The following OPCML variants were observed in gnomAD, a reference collection of about 807,000 sequenced individuals.
The protein encoded by OPCML is opioid-binding protein/cell adhesion molecule.
Under a neutral mutation model 37.8 loss-of-function variants are expected in OPCML, and 13 were observed. That is an observed-to-expected ratio of 0.34 (90% CI 0.22 to 0.55). OPCML has a LOEUF of 0.55. Ranked by LOEUF, OPCML falls within the 20% of genes least tolerant of loss-of-function variation. The probability of loss-of-function intolerance (pLI) is 0.91; values close to 1 mark genes in which losing one functional copy is unlikely to be tolerated. For synonymous variants in OPCML, 176 were observed against 168.8 expected, an observed-to-expected ratio of 1.04 and a Z score of -0.33; for missense variants, 341 against 435.6, an observed-to-expected ratio of 0.78 and a Z score of 1.93.
chr11:132,593,107 G>A (rs892376014), intron 3 of OPCML, among the ~76,000 whole-genome samples: 1 of 152,302 alleles, frequency 6.6e-6, no homozygotes, highest in South Asian at 2.1e-4. Flanking sequence ...TCTGAAGTCT[G>A]GGCAAGAAAG....
intron 3 of OPCML, among the ~76,000 whole-genome samples, chr11:132,552,740 G>A (rs1239156400): frequency 7.5e-6 from 1 of 132,840 alleles, no homozygotes; most frequent in Non-Finnish European, 1.5e-5. Flanking sequence ...ACCTTCTCTA[G>A]TCAAACTAAA....
chr11:132,437,948 G>T (rs935707211), intron 4 of OPCML, among the ~76,000 whole-genome samples: 1 of 152,154 alleles, frequency 6.6e-6, no homozygotes, highest in Non-Finnish European at 1.5e-5. Context: ...AGGACCCCAC[G>T]ATGGCTTTGT....
intron 1 of OPCML, among the ~76,000 whole-genome samples, chr11:133,048,569 G>T (rs11223339): frequency 0.19 from 29,469 of 152,128 alleles, 3,168 homozygotes; most frequent in South Asian, 0.36. Context: ...GTGTTGCCTT[G>T]AGAAGAGATG....
intron 1 of OPCML, among the ~76,000 whole-genome samples, chr11:133,123,588 G>T (rs1376946655): frequency 2.0e-5 from 3 of 152,042 alleles, no homozygotes; most frequent in Non-Finnish European, 2.9e-5. Context: ...TTTTATCCAG[G>T]GCCATCTGGT....
intron 2 of OPCML, among the ~76,000 whole-genome samples, chr11:132,732,434 G>C (rs149868547): frequency 4.6e-5 from 7 of 152,256 alleles, no homozygotes; most frequent in African/African-American, 1.7e-4. Flanking sequence ...GTATTGATGG[G>C]TTTATCTTGA....
intron 1 of OPCML, among the ~76,000 whole-genome samples, chr11:133,116,998 A>G (rs1189433254): frequency 6.6e-6 from 1 of 152,044 alleles, no homozygotes; most frequent in African/African-American, 2.4e-5. Context: ...TATTCCATGT[A>G]GTCATTCACT....
intron 4 of OPCML, among the ~76,000 whole-genome samples, chr11:132,522,933 T>C (rs1421730176): frequency 2.0e-5 from 3 of 152,228 alleles, no homozygotes; most frequent in African/African-American, 7.2e-5. Flanking sequence ...GAAACAGTCA[T>C]GGATCAGTAC....
chr11:133,102,963 T>G (rs1028166025), intron 1 of OPCML, among the ~76,000 whole-genome samples: 3 of 152,168 alleles, frequency 2.0e-5, no homozygotes, highest in African/African-American at 7.2e-5. Flanking sequence ...ATCTCCACTC[T>G]GGGGAAGAGA....
At chr11:132,996,907 C>G (rs1214498390) in intron 1 of OPCML, among the ~76,000 whole-genome samples, 1 of 152,170 alleles carries the variant, frequency 6.6e-6, no homozygotes, top group African/African-American at 2.4e-5. Context: ...TTTATTATTT[C>G]TGTAGCAGCA....
intron 1 of OPCML, among the ~76,000 whole-genome samples, chr11:133,047,269 C>T (rs966335169): frequency 1.3e-5 from 2 of 152,208 alleles, no homozygotes; most frequent in African/African-American, 2.4e-5. Context: ...CAAGATAGAG[C>T]CATGAGTGTT....
intron 2 of OPCML, among the ~76,000 whole-genome samples, chr11:132,677,537 T>A (rs757009004): frequency 2.0e-5 from 3 of 152,116 alleles, no homozygotes; most frequent in Non-Finnish European, 4.4e-5. Context: ...CAAGACAGCA[T>A]GTATTATTGG....
At chr11:132,965,076 C>T (rs906608429) in intron 1 of OPCML, among the ~76,000 whole-genome samples, 1 of 152,204 alleles carries the variant, frequency 6.6e-6, no homozygotes, top group Non-Finnish European at 1.5e-5. Context: ...CTGTATCTCT[C>T]ACTACATGGG....
In OPCML at chr11:132,800,038, A is replaced by G. The variant is rs191754895; in HGVS notation, c.147-142719T>C. Among the ~76,000 whole-genome samples, 594 of 152,340 alleles carry G rather than the reference A, an allele frequency of 3.9e-3. 3 individuals carry two copies. Among genetic ancestry groups the G allele is most frequent in the Middle Eastern group, 6.8e-3 (2 of 294 alleles). On this transcript the variant is annotated intron_variant, in intron 2 of 7. Coordinates refer to ENST00000524381, the MANE Select transcript of OPCML (RefSeq NM_001012393.5). ...AACTATTGCCTTTTTAACAATATTA[A>G]GTCTTTCATTATATGAACATTGGAT...
chr11:132,754,903 T>C lies in OPCML; in HGVS notation c.147-97584A>G, dbSNP rs140718929. ...TTCAACTAAAGATTCATCCACAGTGTTCTAGGGGTGGGATGCATGGGAGGG... is the reference window on the plus strand; with the variant it reads ...TTCAACTAAAGATTCATCCACAGTGCTCTAGGGGTGGGATGCATGGGAGGG... On this transcript the variant is annotated intron_variant, in intron 2 of 7. Transcript: ENST00000524381. Among the ~76,000 whole-genome samples the C allele has an allele frequency of 3.9e-3, 601 of 152,226 alleles. 7 individuals carry two copies. The highest frequency in any genetic ancestry group is 0.014 in the African/African-American group (578 of 41,534).
At chr11:132,939,413 A>C (rs994662054) in intron 2 of OPCML, among the ~76,000 whole-genome samples, 37 of 152,354 alleles carry the variant, frequency 2.4e-4, no homozygotes, top group African/African-American at 8.4e-4. Context: ...GCCATTAAGC[A>C]TAATCCCAGA....
At chr11:133,309,563 T>C (rs1398628733) in intron 1 of OPCML, among the ~76,000 whole-genome samples, 1 of 152,178 alleles carries the variant, frequency 6.6e-6, no homozygotes, top group Non-Finnish European at 1.5e-5. Flanking sequence ...AAAACAGAAC[T>C]GAACATGGCA....
intron 1 of OPCML, among the ~76,000 whole-genome samples, chr11:133,414,164 C>T (rs982033756): frequency 4.6e-5 from 7 of 152,094 alleles, no homozygotes; most frequent in East Asian, 1.9e-4. Flanking sequence ...GGCGCTGGAA[C>T]GAGCACGTCA....
intron 3 of OPCML, among the ~76,000 whole-genome samples, chr11:132,621,752 T>C (rs1190613509): frequency 6.6e-6 from 1 of 152,160 alleles, no homozygotes; most frequent in South Asian, 2.1e-4. Flanking sequence ...TCTGTCCTTT[T>C]TTGCATGTAG....
intron 2 of OPCML, among the ~76,000 whole-genome samples, chr11:132,935,111 C>T (rs1314553400): frequency 6.6e-6 from 1 of 150,786 alleles, no homozygotes; most frequent in African/African-American, 2.4e-5. Context: ...TGCACTCCAG[C>T]CTGGGTAACA....
Sources: allele counts gnomAD v4.1 joint callset (sites outside exome capture counted in the v4.1 genomes callset), GRCh38; gene constraint gnomAD v4.1.1; transcripts MANE v1.5; gene names NCBI Gene and HGNC (gene_info 2026-07-23, HGNC 2026-07-21).